Variants in ZRANB3 observed in about 807,000 individuals in gnomAD.
ZRANB3 encodes DNA annealing helicase and endonuclease ZRANB3.
A neutral mutation model predicts 133.8 loss-of-function variants in ZRANB3; 125 were observed. That is an observed-to-expected ratio of 0.93 (90% CI 0.81 to 1.08). The LOEUF (loss-of-function observed/expected upper bound fraction) is 1.08. ZRANB3 is among the 50% of genes least tolerant of loss of function. The pLI is 0.00. For synonymous variants in ZRANB3, 387 were observed against 432.7 expected (o/e 0.89, Z 1.31); for missense variants, 1,229 against 1,275.5 (o/e 0.96, Z 0.56).
intron 2 of ZRANB3, among the ~76,000 whole-genome samples, chr2:135,414,618 C>T (rs1328622228): frequency 5.9e-5 from 9 of 152,296 alleles, no homozygotes; most frequent in Non-Finnish European, 1.0e-4. Context: ...TAGACAGCTA[C>T]AGAACTCTCC....
At chr2:135,228,298 C>A in intron 13 of ZRANB3, 1 of 203,654 alleles carries the variant, frequency 4.9e-6, no homozygotes, top group Non-Finnish European at 9.6e-6. Context: ...ATAAAGAGAA[C>A]ACAACTAAGT....
intron 4 of ZRANB3, among the ~76,000 whole-genome samples, chr2:135,351,520 C>T (rs1439829331): frequency 3.3e-5 from 5 of 152,070 alleles, no homozygotes; most frequent in African/African-American, 9.7e-5. Context: ...GGATTACAGG[C>T]GTGAGCCACC....
At chr2:135,219,999 G>C (rs1694472034) in intron 15 of ZRANB3, among the ~76,000 whole-genome samples, 1 of 151,904 alleles carries the variant, frequency 6.6e-6, no homozygotes, top group Non-Finnish European at 1.5e-5. Flanking sequence ...AGCCTCCCAA[G>C]TAGCTGGAAT....
Position 135,227,879 on chromosome 2 carries a change from C to A in ZRANB3, c.2091G>T (p.Leu697Phe), listed in dbSNP as rs776017390. The change falls in exon 14 of 21, where the codon TTG becomes TTT. Residue 697 changes from leucine to phenylalanine, a missense_variant. Leu to Phe is a conservative substitution (Grantham distance 22). Coordinates refer to ENST00000264159, the MANE Select transcript of ZRANB3 (RefSeq NM_032143.4). ...QALAQSEPGQ[L>F]ADSKEETPKI... ...TTGGTGTTTCTTCCTTGCTGTCAGC[C>A]AACTGGCCAGGTTCTGACTGTGCAA... 1.9e-6 allele frequency: 3 copies of A among 1,572,744 alleles called. No homozygotes were observed. The highest frequency in any genetic ancestry group is 2.6e-6 in the Non-Finnish European group (3 of 1,157,240).
chr2:135,228,560 T>C (rs527264138), intron 13 of ZRANB3, among the ~76,000 whole-genome samples: 40 of 152,270 alleles, frequency 2.6e-4, no homozygotes, highest in African/African-American at 9.4e-4. Flanking sequence ...ATATGGAGGC[T>C]ATTGAGGTCT....
At chr2:135,395,461 A>AT (rs1256247057) in intron 2 of ZRANB3, among the ~76,000 whole-genome samples, 7 of 138,672 alleles carry the variant, frequency 5.0e-5, no homozygotes, top group East Asian at 2.1e-4. Flanking sequence ...TTTTTTTTTA[A>AT]TTTTTTTTAG....
At chr2:135,378,851 G>C (rs1686551916) in intron 3 of ZRANB3, among the ~76,000 whole-genome samples, 1 of 152,104 alleles carries the variant, frequency 6.6e-6, no homozygotes, top group South Asian at 2.1e-4. Flanking sequence ...GAACTGTAAA[G>C]GTCTTCAAAA....
chr2:135,412,408 G>T (rs904061407), intron 2 of ZRANB3, among the ~76,000 whole-genome samples: 1 of 151,992 alleles, frequency 6.6e-6, no homozygotes, highest in Non-Finnish European at 1.5e-5. Flanking sequence ...TTTTAATATT[G>T]TAAGTCATTT....
chr2:135,457,950 A>G (rs1690600571), intron 2 of ZRANB3, among the ~76,000 whole-genome samples: 1 of 152,062 alleles, frequency 6.6e-6, no homozygotes, highest in Admixed American at 6.6e-5. Flanking sequence ...ATTTGGTTGT[A>G]TGTTTTTAGG....
In ZRANB3 at chr2:135,428,426, CAAA is replaced by C. The variant is rs34645774; in HGVS notation, c.162-37609_162-37607del. ...GGGTGACAGAGTGAGACTTTGTTTCCAAAAAAAAAAAAAAAAAAAAAAATTCAT... is the reference window on the plus strand; with the variant it reads ...GGGTGACAGAGTGAGACTTTGTTTCCAAAAAAAAAAAAAAAAAAAATTCAT... On this transcript the variant is annotated intron_variant, in intron 2 of 20. Coordinates refer to ENST00000264159, the MANE Select transcript of ZRANB3 (RefSeq NM_032143.4). Among the ~76,000 whole-genome samples the C allele has an allele frequency of 3.9e-3, 296 of 75,266 alleles. 2 individuals carry two copies. The highest frequency in any genetic ancestry group is 0.012 in the African/African-American group (274 of 22,438). 49.4% of individuals were successfully genotyped at this position (75,266 alleles called of 152,430 possible). A position where few individuals can be genotyped will look rare whatever the true frequency, so the allele number is the denominator to read the frequency against.
At chr2:135,426,033 C>A (rs569200906) in intron 2 of ZRANB3, among the ~76,000 whole-genome samples, 1 of 152,080 alleles carries the variant, frequency 6.6e-6, no homozygotes, top group East Asian at 1.9e-4. Context: ...CACACATACA[C>A]AAAAAACCCT....
At chr2:135,392,959 G>A (rs1386635498) in intron 2 of ZRANB3, among the ~76,000 whole-genome samples, 2 of 151,634 alleles carry the variant, frequency 1.3e-5, no homozygotes, top group Non-Finnish European at 2.9e-5. Context: ...GCTCACTGCA[G>A]CCTTGACCTC....
chr2:135,439,343 T>TA (rs1362328170), intron 2 of ZRANB3, among the ~76,000 whole-genome samples: 1 of 152,104 alleles, frequency 6.6e-6, no homozygotes, highest in Non-Finnish European at 1.5e-5. Context: ...TCAATCTATA[T>TA]AAAAAAAGAT....
At chr2:135,450,678 G>T (rs942331220) in intron 2 of ZRANB3, among the ~76,000 whole-genome samples, 5 of 152,164 alleles carry the variant, frequency 3.3e-5, no homozygotes, top group Non-Finnish European at 7.3e-5. Flanking sequence ...TTAAGACACT[G>T]GACATGAGAC....
At chr2:135,376,986 G>A (rs1686457578) in intron 3 of ZRANB3, among the ~76,000 whole-genome samples, 1 of 152,184 alleles carries the variant, frequency 6.6e-6, no homozygotes, top group South Asian at 2.1e-4. Flanking sequence ...GAAATGAATG[G>A]AGTCTATAAG....
In ZRANB3 at chr2:135,474,514, A is replaced by G. The variant is rs552139701; in HGVS notation, c.161+29815T>C. ...CGTTTAGTTACCATGAAATCTGATCATTCAAAAGAAGCTGGCGCCTCCTCT... is the reference window on the plus strand; with the variant it reads ...CGTTTAGTTACCATGAAATCTGATCGTTCAAAAGAAGCTGGCGCCTCCTCT... On this transcript the variant is annotated intron_variant, in intron 2 of 20. Transcript: ENST00000264159. 2.0e-5 allele frequency among the ~76,000 whole-genome samples: 3 copies of G among 152,182 alleles called. No homozygotes were observed. The East Asian group carries it at 5.8e-4, about 30-fold the overall frequency.
At chr2:135,321,725 C>T (rs550916614) in intron 6 of ZRANB3, among the ~76,000 whole-genome samples, 162 of 152,192 alleles carry the variant, frequency 1.1e-3, no homozygotes, top group African/African-American at 3.9e-3. Flanking sequence ...GGTGATCTGC[C>T]CACCTTGCCT....
chr2:135,367,689 T>C (rs1686000435), intron 3 of ZRANB3, among the ~76,000 whole-genome samples: 1 of 152,164 alleles, frequency 6.6e-6, no homozygotes, highest in African/African-American at 2.4e-5. Flanking sequence ...ACATAAATTG[T>C]TTCTGCATTA....
chr2:135,416,782 C>T (rs1405984521), intron 2 of ZRANB3, among the ~76,000 whole-genome samples: 2 of 152,122 alleles, frequency 1.3e-5, no homozygotes, highest in African/African-American at 4.8e-5. Flanking sequence ...TGGAAGAGAA[C>T]AGAGCCCTCA....
Sources: allele counts gnomAD v4.1 joint callset (sites outside exome capture counted in the v4.1 genomes callset), GRCh38; gene constraint gnomAD v4.1.1; transcripts MANE v1.5; gene names NCBI Gene and HGNC (gene_info 2026-07-23, HGNC 2026-07-21).